TRERF1: variants seen among roughly 807,000 people sequenced by gnomAD.
TRERF1 encodes the protein transcriptional regulating factor 1.
TRERF1 carries 27 observed loss-of-function variants against 122.9 expected under a neutral mutation model. That is an observed-to-expected ratio of 0.22 (90% confidence interval 0.16 to 0.30). The LOEUF is 0.30. Ranked by LOEUF, TRERF1 falls within the 10% of genes least tolerant of loss-of-function variation. The probability of loss-of-function intolerance (pLI) is 1.00; values close to 1 mark genes in which losing one functional copy is unlikely to be tolerated. For missense variants in TRERF1, 1,248 were observed against 1,560.3 expected (o/e 0.80, Z 3.37); for synonymous variants, 636 against 641.7 (o/e 0.99, Z 0.13).
intron 2 of TRERF1, among the ~76,000 whole-genome samples, chr6:42,419,343 C>CCT (rs1021784999): frequency 1.3e-5 from 2 of 150,144 alleles, no homozygotes; most frequent in African/African-American, 4.9e-5. Flanking sequence ...GATCAACCCC[C>CCT]CTCACAAACC....
Position 42,232,600 on chromosome 6 carries a change from C to A in TRERF1, c.3278+81G>T, listed in dbSNP as rs546185770. ...AAGTTCTTTTTTCTGATTGAAGAAA[C>A]CTCAGGCCATCCTGGCCCAGCTCCC... On this transcript the variant is annotated intron_variant, in intron 17 of 17. Transcript: ENST00000372922. This position sits in a 1 kb window ranked among gnomAD's most constrained non-coding sequence, Gnocchi z 4.5. The A allele has an allele frequency of 2.1e-6, 3 of 1,456,280 alleles. No homozygotes were observed. Among genetic ancestry groups the A allele is most frequent in the Admixed American group, 2.7e-5 (1 of 36,538 alleles). The allele number at this position is 1,456,280 out of a possible 1,614,324, so 90.2% of individuals were successfully genotyped here.
At chr6:42,246,690 G>C in intron 13 of TRERF1, 146 bp from the exon 14 acceptor site, 1 of 551,998 alleles carries the variant, frequency 1.8e-6, no homozygotes, top group East Asian at 3.3e-5. Flanking sequence ...AAGATAGTGT[G>C]ATATAATGGT....
intron 3 of TRERF1, among the ~76,000 whole-genome samples, chr6:42,307,733 G>T (rs532337498): frequency 6.6e-6 from 1 of 151,374 alleles, no homozygotes; most frequent in African/African-American, 2.4e-5. Context: ...AACAGCACAC[G>T]AAGTAACAAT....
Position 42,259,684 on chromosome 6 carries a change from C to G in TRERF1, c.1924G>C (p.Glu642Gln). ...TCCTGCACGGTCTTGAGGGGCTCCTCGGCTTTGGGCACACTCGGCTGATGC... is the reference window on the plus strand; with the variant it reads ...TCCTGCACGGTCTTGAGGGGCTCCTGGGCTTTGGGCACACTCGGCTGATGC... The change falls in exon 9 of 18, where the codon GAG becomes CAG. Residue 642 changes from glutamate to glutamine, a missense_variant. Transcript: ENST00000372922. The surrounding 1 kb of genome is among the most constrained non-coding windows in gnomAD (Gnocchi z 4.9). The G allele has an allele frequency of 6.2e-7, 1 of 1,606,822 alleles. No homozygotes were observed. The highest frequency in any genetic ancestry group is 8.5e-7 in the Non-Finnish European group (1 of 1,179,966).
At chr6:42,408,913 G>A (rs1407596186) in intron 2 of TRERF1, among the ~76,000 whole-genome samples, 2 of 151,954 alleles carry the variant, frequency 1.3e-5, no homozygotes, top group African/African-American at 2.4e-5. Context: ...TTTCCACACT[G>A]TTATCTAGTT....
At chr6:42,317,598 T>TC (rs1347644278) in intron 3 of TRERF1, among the ~76,000 whole-genome samples, 1 of 152,022 alleles carries the variant, frequency 6.6e-6, no homozygotes. Flanking sequence ...CAAGCAAGCC[T>TC]CCCGCCTTGG....
In TRERF1 at chr6:42,228,748, T is replaced by C; in HGVS notation, c.3279-79A>G. 7.1e-7 allele frequency: 1 copy of C among 1,406,838 alleles called. No individual in the cohort carries two copies. The highest frequency in any genetic ancestry group is 9.6e-7 in the Non-Finnish European group (1 of 1,043,056). The allele number at this position is 1,406,838 out of a possible 1,614,324, so 87.1% of individuals were successfully genotyped here. A position where few individuals can be genotyped will look rare whatever the true frequency, so the allele number is the denominator to read the frequency against. Reference sequence around the variant, plus strand: ...GGAAATCCAGGTGTCCTACGGGGAATGGGGGTGTGTGGTCTGACAAAGTCC... The same window carrying C: ...GGAAATCCAGGTGTCCTACGGGGAACGGGGGTGTGTGGTCTGACAAAGTCC... On this transcript the variant is annotated intron_variant, in intron 17 of 17. Coordinates refer to ENST00000372922, the Ensembl canonical transcript of TRERF1. This position sits in a 1 kb window ranked among gnomAD's most constrained non-coding sequence, Gnocchi z 4.2.
At chr6:42,281,861 A>C (rs1473514854) in intron 4 of TRERF1, among the ~76,000 whole-genome samples, 2 of 152,220 alleles carry the variant, frequency 1.3e-5, no homozygotes, top group East Asian at 3.8e-4. Context: ...GTCCCTCAGA[A>C]GCCCCTCCCA....
At chr6:42,305,374 C>A (rs139016316) in intron 3 of TRERF1, among the ~76,000 whole-genome samples, 2 of 152,204 alleles carry the variant, frequency 1.3e-5, no homozygotes, top group Non-Finnish European at 2.9e-5. Flanking sequence ...ACGCTGCTAT[C>A]AGAACCTCAG....
intron 2 of TRERF1, among the ~76,000 whole-genome samples, chr6:42,408,313 A>ACGTGTG (rs1562153453): frequency 6.5e-5 from 8 of 123,516 alleles, no homozygotes; most frequent in Admixed American, 1.6e-4. Flanking sequence ...ATACATACTC[A>ACGTGTG]TGTGTGTGTA....
chr6:42,355,142 G>A (rs1320975130), intron 3 of TRERF1, among the ~76,000 whole-genome samples: 1 of 152,164 alleles, frequency 6.6e-6, no homozygotes, highest in African/African-American at 2.4e-5. Flanking sequence ...AACTTGAAGA[G>A]GTAACGAGTG....
intron 2 of TRERF1, among the ~76,000 whole-genome samples, chr6:42,403,046 C>A (rs956322688): frequency 8.6e-5 from 13 of 151,968 alleles, no homozygotes; most frequent in African/African-American, 3.1e-4. Context: ...AGGACAGGGA[C>A]AATAAAGAAA....
intron 3 of TRERF1, among the ~76,000 whole-genome samples, chr6:42,338,073 T>C (rs910754501): frequency 6.6e-6 from 1 of 152,214 alleles, no homozygotes; most frequent in African/African-American, 2.4e-5. Flanking sequence ...TAGGAAGTCC[T>C]GCTCCAGAGG....
At chr6:42,289,358 C>CA (rs200688006) in intron 4 of TRERF1, among the ~76,000 whole-genome samples, 37 of 137,702 alleles carry the variant, frequency 2.7e-4, no homozygotes, top group South Asian at 1.1e-3. Flanking sequence ...AAAAAAAAAA[C>CA]AAAAAAAAAC....
Position 42,259,537 on chromosome 6 carries a change from G to A in TRERF1, c.2071C>T (p.Arg691Cys), listed in dbSNP as rs1429540689. The change falls in exon 9 of 18, where the codon CGC becomes TGC. Residue 691 changes from arginine to cysteine, a missense_variant. Physicochemically the swap from Arg to Cys is radical, Grantham distance 180. Around this residue, in one of 5 missense-constraint regions of TRERF1, gnomAD observed 946 missense variants for 1,073.0 expected, o/e 0.88. Transcript: ENST00000372922. The surrounding 1 kb of genome is among the most constrained non-coding windows in gnomAD (Gnocchi z 4.9). ...AGGAGCAGGTGGTCCCCGAGGACGC[G>A]CGGGGAGCGCAGCTGGCTCTGGTAC... is the stretch of plus-strand genomic sequence containing the variant. 5 of 1,613,346 alleles carry A rather than the reference G, an allele frequency of 3.1e-6. No individual in the cohort carries two copies. Among genetic ancestry groups the A allele is most frequent in the South Asian group, 2.2e-5 (2 of 91,074 alleles).
At chr6:42,444,987 G>C (rs1787209553) in intron 2 of TRERF1, among the ~76,000 whole-genome samples, 1 of 152,124 alleles carries the variant, frequency 6.6e-6, no homozygotes, top group South Asian at 2.1e-4. Flanking sequence ...GCCAAATTCA[G>C]GGCCTGGTGC....
rs1491066647 is a variant in TRERF1, at chr6:42,262,432, GGC to G, written c.1884+886_1884+887del. On this transcript the variant is annotated intron_variant, in intron 8 of 17. Coordinates refer to ENST00000372922, the Ensembl canonical transcript of TRERF1. ...CCACACAGGTCACAAATTCCCTAGG[GGC>G]AGAGAGAGAGAGAGAGAGAGAGAGA... Among the ~76,000 whole-genome samples the G allele has an allele frequency of 1.3e-3, 60 of 47,150 alleles. 1 individual carries two copies. Among genetic ancestry groups the G allele is most frequent in the African/African-American group, 5.4e-3 (58 of 10,772 alleles). The allele number at this position is 47,150 out of a possible 152,430, so 30.9% of individuals were successfully genotyped here.
At chr6:42,343,285 G>A (rs190192679) in intron 3 of TRERF1, among the ~76,000 whole-genome samples, 7 of 152,292 alleles carry the variant, frequency 4.6e-5, no homozygotes, top group Non-Finnish European at 8.8e-5. Flanking sequence ...TCTTTAAAAT[G>A]CTGATAGCAT....
At chr6:42,418,881 A>T (rs1427581442) in intron 2 of TRERF1, among the ~76,000 whole-genome samples, 2 of 152,348 alleles carry the variant, frequency 1.3e-5, no homozygotes, top group East Asian at 3.9e-4. Context: ...AACCTCTCAC[A>T]GTGCCCTAAG....
Sources: gnomAD v4.1 joint callset for allele counts (sites outside exome capture counted in the v4.1 genomes callset) on GRCh38, gnomAD v4.1.1 for gene constraint, gnomAD v4.1.1 regional missense constraint, Gnocchi (gnomAD v3.1) non-coding constraint, MANE v1.5 for transcripts, NCBI Gene and HGNC (gene_info 2026-07-23, HGNC 2026-07-21) for gene names.